Variants in GAD2 observed in about 807,000 individuals in gnomAD.
GAD2 encodes the protein 65 kDa glutamic acid decarboxylase.
Under a neutral mutation model 80.1 loss-of-function variants are expected in GAD2, and 22 were observed. The ratio of observed to expected loss-of-function variants is 0.27; its 90% CI spans 0.20 to 0.39. GAD2 has a LOEUF of 0.39. Ranked by LOEUF, GAD2 falls within the 10% of genes least tolerant of loss-of-function variation. The pLI is 1.00. For missense variants in GAD2, 624 were observed against 738.4 expected (o/e 0.85, Z 1.80); for synonymous variants, 274 against 256.9 (o/e 1.07, Z -0.64).
intron 15 of GAD2, among the ~76,000 whole-genome samples, chr10:26,296,699 CT>C (rs1834276627): frequency 6.6e-6 from 1 of 152,150 alleles, no homozygotes; most frequent in African/African-American, 2.4e-5. Context: ...GTTTCTGGTT[CT>C]TTATCTTCTT....
intron 8 of GAD2, among the ~76,000 whole-genome samples, chr10:26,257,396 A>G (rs1844957027): frequency 6.6e-6 from 1 of 152,120 alleles, no homozygotes; most frequent in Admixed American, 6.5e-5. Flanking sequence ...ACAAATTAAT[A>G]TGCTCTAGCA....
At position 26,216,825 on chromosome 10, in the gene GAD2, T is replaced by C. The variant is rs1844377518; in HGVS notation, c.16T>C (p.Ser6Pro). The change falls in exon 1 of 16, where the codon TCT (serine) becomes CCT (proline). Residue 6 changes from serine to proline, a missense_variant. Coordinates refer to ENST00000376261, the MANE Select transcript of GAD2 (RefSeq NM_001134366.2). This position sits in a 1 kb window ranked among gnomAD's most constrained non-coding sequence, Gnocchi z 4.7. ...TCCAAAGCCGATGGCATCTCCGGGC[T>C]CTGGCTTTTGGTCTTTCGGGTCGGA... MASPG[S>P]GFWSFGSEDG... The C allele has an allele frequency of 6.2e-7, 1 of 1,612,702 alleles. No homozygotes were observed. The highest frequency in any genetic ancestry group is 1.3e-5 in the African/African-American group (1 of 74,860).
chr10:26,246,036 T>C, intron 8 of GAD2, 36 bp downstream of exon 8: 1 of 1,586,492 alleles, frequency 6.3e-7, no homozygotes, highest in Non-Finnish European at 8.6e-7. Context: ...TGGTTAGCAA[T>C]TTGCAAATTC....
chr10:26,301,587 A>G lies in GAD2; in HGVS notation c.*626A>G, dbSNP rs1304688851. The G allele has an allele frequency of 6.6e-6, 1 of 152,098 alleles. No individual in the cohort carries two copies. Among genetic ancestry groups the G allele is most frequent in the Non-Finnish European group, 1.5e-5 (1 of 68,020 alleles). The allele number at this position is 152,098 out of a possible 1,614,324, so 9.4% of individuals were successfully genotyped here. Reference sequence around the variant, plus strand: ...CCAGATTTTTTTTTCCTTTCTCTTAATGGAGGCACAATAAAACACTTAGCA... The same window carrying G: ...CCAGATTTTTTTTTCCTTTCTCTTAGTGGAGGCACAATAAAACACTTAGCA... On this transcript the variant is annotated 3_prime_UTR_variant, in exon 16 of 16. Coordinates refer to ENST00000376261, the MANE Select transcript of GAD2 (RefSeq NM_001134366.2).
At chr10:26,275,672 G>A (rs1257777049) in intron 11 of GAD2, among the ~76,000 whole-genome samples, 3 of 152,188 alleles carry the variant, frequency 2.0e-5, no homozygotes, top group Non-Finnish European at 4.4e-5. Flanking sequence ...AAGACCAGTG[G>A]AAACCACATA....
chr10:26,216,994 T>C lies in GAD2; in HGVS notation c.76+109T>C. On this transcript the variant is annotated intron_variant, in intron 1 of 15. Coordinates refer to ENST00000376261, the MANE Select transcript of GAD2 (RefSeq NM_001134366.2). This position sits in a 1 kb window ranked among gnomAD's most constrained non-coding sequence, Gnocchi z 4.7. ...TTTTCCACCTGCAACAGGAAACTTCTTCGGGCGCTTCTCCCTGCTTTTGGG... is the reference window on the plus strand; with the variant it reads ...TTTTCCACCTGCAACAGGAAACTTCCTCGGGCGCTTCTCCCTGCTTTTGGG... The C allele has an allele frequency of 1.1e-6, 1 of 913,992 alleles. No homozygotes were observed. Among genetic ancestry groups the C allele is most frequent in the Non-Finnish European group, 1.7e-6 (1 of 587,880 alleles). 56.6% of individuals were successfully genotyped at this position (913,992 alleles called of 1,614,324 possible).
At chr10:26,234,323 G>A (rs1357284980) in intron 7 of GAD2, among the ~76,000 whole-genome samples, 6 of 129,622 alleles carry the variant, frequency 4.6e-5, no homozygotes, top group African/African-American at 8.9e-5. Flanking sequence ...GTGAGACTCC[G>A]TCAAAAAAAA....
chr10:26,293,668 G>T (rs8190787), intron 15 of GAD2, among the ~76,000 whole-genome samples: 10,488 of 152,210 alleles, frequency 0.069, 446 homozygotes, highest in Non-Finnish European at 0.098. Flanking sequence ...TACCAGAAAT[G>T]GTTAGCAAAC....
At chr10:26,280,132 TG>T (rs1388143756) in intron 11 of GAD2, among the ~76,000 whole-genome samples, 1 of 152,158 alleles carries the variant, frequency 6.6e-6, no homozygotes, top group African/African-American at 2.4e-5. Flanking sequence ...GAGATCACCG[TG>T]GAGGCAGGGT....
intron 4 of GAD2, among the ~76,000 whole-genome samples, chr10:26,222,158 A>T (rs571343946): frequency 7.2e-5 from 11 of 152,308 alleles, no homozygotes; most frequent in African/African-American, 2.6e-4. Flanking sequence ...ATATATAGGG[A>T]GGAAGGGAAA....
At chr10:26,279,584 G>A (rs1224414828) in intron 11 of GAD2, among the ~76,000 whole-genome samples, 1 of 152,212 alleles carries the variant, frequency 6.6e-6, no homozygotes. Flanking sequence ...CTGGTGCCAA[G>A]TGAAGGATGA....
At chr10:26,232,468 ACTTTTTTT>A (rs1844616210) in intron 7 of GAD2, among the ~76,000 whole-genome samples, 1 of 131,690 alleles carries the variant, frequency 7.6e-6, no homozygotes, top group African/African-American at 3.0e-5. Context: ...AACTCAGTCT[ACTTTTTTT>A]TTTTTTTTTT....
chr10:26,263,335 T>A (rs1845030200), intron 8 of GAD2, among the ~76,000 whole-genome samples: 1 of 152,182 alleles, frequency 6.6e-6, no homozygotes, highest in Non-Finnish European at 1.5e-5. Flanking sequence ...AAATAGGAAG[T>A]TCACTATTTA....
At chr10:26,253,964 A>G (rs1320606816) in intron 8 of GAD2, among the ~76,000 whole-genome samples, 1 of 152,226 alleles carries the variant, frequency 6.6e-6, no homozygotes, top group Non-Finnish European at 1.5e-5. Flanking sequence ...AGATGGTTTC[A>G]GGATGAAACT....
At chr10:26,266,528 C>G (rs373667838) in intron 8 of GAD2, among the ~76,000 whole-genome samples, 5 of 152,300 alleles carry the variant, frequency 3.3e-5, no homozygotes, top group East Asian at 1.9e-4. Context: ...ATTCCTCCAA[C>G]AAATGTTTAT....
chr10:26,261,990 C>T (rs139270888), intron 8 of GAD2, among the ~76,000 whole-genome samples: 209 of 152,170 alleles, frequency 1.4e-3, no homozygotes, highest in Non-Finnish European at 2.2e-3. Flanking sequence ...CTTGAATTTC[C>T]TTCAGGATTA....
intron 13 of GAD2, among the ~76,000 whole-genome samples, chr10:26,289,627 C>A (rs556996449): frequency 6.6e-6 from 1 of 151,582 alleles, no homozygotes; most frequent in Non-Finnish European, 1.5e-5. Context: ...CAGTGCCTAC[C>A]GTTGACTCTC....
intron 8 of GAD2, among the ~76,000 whole-genome samples, chr10:26,246,504 C>T (rs902119653): frequency 6.6e-6 from 1 of 152,212 alleles, no homozygotes; most frequent in South Asian, 2.1e-4. Flanking sequence ...CTCTGGGATT[C>T]AGTGCGGTGC....
At chr10:26,290,231 A>G (rs1037431787) in intron 13 of GAD2, among the ~76,000 whole-genome samples, 8 of 152,218 alleles carry the variant, frequency 5.3e-5, no homozygotes, top group African/African-American at 1.9e-4. Context: ...TGGGATAAGA[A>G]GGCTCTCATT....
Sources: gnomAD v4.1 joint callset for allele counts (sites outside exome capture counted in the v4.1 genomes callset) on GRCh38, gnomAD v4.1.1 for gene constraint, Gnocchi (gnomAD v3.1) non-coding constraint, MANE v1.5 for transcripts, NCBI Gene and HGNC (gene_info 2026-07-23, HGNC 2026-07-21) for gene names.